SAMD7: variants seen among roughly 807,000 people sequenced by gnomAD.
SAMD7 encodes the protein sterile alpha motif domain-containing protein 7.
SAMD7 carries 34 observed loss-of-function variants against 36.7 expected under a neutral mutation model. The ratio of observed to expected loss-of-function variants is 0.93; its 90% confidence interval spans 0.71 to 1.23. The LOEUF (loss-of-function observed/expected upper bound fraction) is 1.23. Among genes scored for constraint, SAMD7 ranks in the 50% most tolerant of loss-of-function variants. SAMD7 has a pLI of 0.00. For synonymous variants in SAMD7, 188 were observed against 189.7 expected (o/e 0.99, Z 0.07); for missense variants, 570 against 546.6 (o/e 1.04, Z -0.43).
At chr3:169,919,913 G>A (rs919791505) in intron 3 of SAMD7, among the ~76,000 whole-genome samples, 9 of 152,170 alleles carry the variant, frequency 5.9e-5, no homozygotes, top group Non-Finnish European at 7.4e-5. Flanking sequence ...AGTGGCTCAC[G>A]CCTGTAATCC....
rs1713011071 is a variant in SAMD7, at chr3:169,920,811, T to TGA, written c.87-402_87-401insAG. Among the ~76,000 whole-genome samples, 9 of 152,314 alleles carry TGA rather than the reference T, an allele frequency of 5.9e-5. 1 individual carries two copies. The South Asian group carries it at 1.9e-3, about 32-fold the overall frequency. Reference sequence around the variant, plus strand: ...ACCACTAAAGTTTAGAAAAATAAGTTGTCCACCCAGGTACTCAAACATTGA... The same window carrying TGA: ...ACCACTAAAGTTTAGAAAAATAAGTTGAGTCCACCCAGGTACTCAAACATTGA... On this transcript the variant is annotated intron_variant, in intron 3 of 8. Transcript: ENST00000335556.
chr3:169,935,416 C>T (rs1156358358), intron 7 of SAMD7, among the ~76,000 whole-genome samples: 2 of 152,104 alleles, frequency 1.3e-5, no homozygotes, highest in African/African-American at 4.8e-5. Flanking sequence ...TCCATTGTAT[C>T]GTGACAGTGG....
chr3:169,934,790 A>C (rs1713662471), intron 7 of SAMD7, among the ~76,000 whole-genome samples: 1 of 152,240 alleles, frequency 6.6e-6, no homozygotes, highest in African/African-American at 2.4e-5. Flanking sequence ...AGCTGAAATG[A>C]ATCAGGAAGA....
At chr3:169,924,987 T>G in intron 4 of SAMD7, 71 bp from the exon 5 acceptor site, 1 of 973,228 alleles carries the variant, frequency 1.0e-6, no homozygotes, top group Non-Finnish European at 1.6e-6. Context: ...ATTGTTATAG[T>G]TTATTTTATT....
intron 7 of SAMD7, among the ~76,000 whole-genome samples, chr3:169,934,383 G>A (rs1269354450): frequency 2.0e-5 from 3 of 152,112 alleles, no homozygotes; most frequent in Admixed American, 6.5e-5. Flanking sequence ...AGCCTCCACC[G>A]ATGGTCCTCC....
chr3:169,932,811 G>C, intron 7 of SAMD7: 1 of 563,426 alleles, frequency 1.8e-6, no homozygotes, highest in Middle Eastern at 3.1e-4. Context: ...TATGACTCTG[G>C]CCTGTGCCGC....
chr3:169,938,491 T>TA lies in SAMD7; in HGVS notation c.1327dup (p.Ser443LysfsTer13), dbSNP rs1559956006. The TA allele has an allele frequency of 6.2e-7, 1 of 1,609,048 alleles. No individual in the cohort carries two copies. The highest frequency in any genetic ancestry group is 2.2e-5 in the East Asian group (1 of 44,854). ...TAATTCCTAAAGGAATTGAGCGAGG[T>TA]AGTATGAGAAACTAAAAGCCCTCAA... is the stretch of plus-strand genomic sequence containing the variant. On this transcript the variant is annotated frameshift_variant, in exon 9 of 9. Coordinates refer to ENST00000335556, the MANE Select transcript of SAMD7 (RefSeq NM_001304366.2). LOFTEE classifies it high-confidence loss of function.
rs1395055362 is a variant in SAMD7 at position 169,922,848 on chromosome 3, A to G, written c.211+1510A>G. 5.3e-5 allele frequency among the ~76,000 whole-genome samples: 8 copies of G among 152,304 alleles called. 1 individual carries two copies. In the South Asian group the frequency reaches 1.5e-3, roughly 28 times the overall value. On this transcript the variant is annotated intron_variant, in intron 4 of 8. Coordinates refer to ENST00000335556, the MANE Select transcript of SAMD7 (RefSeq NM_001304366.2). ...ATTTACGATCATTTTACATTGGACT[A>G]TTTTAAGGAGAGAGTGAGCAACTGT...
At chr3:169,930,568 CCTTT>C (rs63222564) in intron 7 of SAMD7, among the ~76,000 whole-genome samples, 33,897 of 143,432 alleles carry the variant, frequency 0.24, 4,269 homozygotes, top group African/African-American at 0.3. Context: ...ACTCATAGCC[CCTTT>C]CTTTTCTTTT....
intron 4 of SAMD7, among the ~76,000 whole-genome samples, chr3:169,924,636 T>C (rs1409391281): frequency 1.3e-5 from 2 of 152,090 alleles, no homozygotes; most frequent in Non-Finnish European, 2.9e-5. Flanking sequence ...GTGATAAATA[T>C]GTGAGGTGAG....
chr3:169,937,350 A>G (rs1386846589), intron 8 of SAMD7, among the ~76,000 whole-genome samples: 1 of 151,970 alleles, frequency 6.6e-6, no homozygotes, highest in Non-Finnish European at 1.5e-5. Context: ...CTATCAACCC[A>G]TCACCTAGGT....
chr3:169,934,609 T>C lies in SAMD7; in HGVS notation c.1042-1730T>C, dbSNP rs186293732. Among the ~76,000 whole-genome samples, 83 of 152,294 alleles carry C rather than the reference T, an allele frequency of 5.4e-4. 2 individuals carry two copies. The highest frequency in any genetic ancestry group is 1.9e-3 in the African/African-American group (81 of 41,566). Reference sequence around the variant, plus strand: ...GGTATGGGGACAGAATCTGTGCTTTTGTGGGTGGGGGACACGGTAATTGTG... The same window carrying C: ...GGTATGGGGACAGAATCTGTGCTTTCGTGGGTGGGGGACACGGTAATTGTG... On this transcript the variant is annotated intron_variant, in intron 7 of 8. Transcript: ENST00000335556.
rs749020125 is a variant in SAMD7, at chr3:169,938,345, T to A, written c.1180T>A (p.Tyr394Asn). ...ATCTCAGCATGTGGGAAGTATGTTC[T>A]ACAAGAAAACTCTTTCATTTCCTAT... ...QVSQHVGSMF[Y>N]KKTLSFPIRQ... Residue 394 changes from tyrosine (Y) to asparagine (N), a missense_variant, in exon 9 of 9, where the codon TAC becomes AAC. Tyr to Asn is a moderately radical substitution (Grantham distance 143). Transcript: ENST00000335556. 3.1e-6 allele frequency: 5 copies of A among 1,610,788 alleles called. No individual in the cohort carries two copies. The South Asian group carries it at 4.4e-5, about 14-fold the overall frequency.
At chr3:169,914,416 A>T (rs1712718433) in intron 1 of SAMD7, among the ~76,000 whole-genome samples, 2 of 152,202 alleles carry the variant, frequency 1.3e-5, no homozygotes, top group South Asian at 4.1e-4. Context: ...AAGTGCAAGG[A>T]TTAAAACAAA....
intron 1 of SAMD7, among the ~76,000 whole-genome samples, chr3:169,913,179 C>G (rs1712671829): frequency 6.6e-6 from 1 of 152,118 alleles, no homozygotes; most frequent in African/African-American, 2.4e-5. Context: ...AAAAACTTAC[C>G]AGATACAGCA....
intron 4 of SAMD7, 98 bp from the exon 5 acceptor site, chr3:169,924,960 T>C: frequency 1.3e-6 from 1 of 786,688 alleles, no homozygotes. Flanking sequence ...TTTTTTTTTT[T>C]TCAGATACTG....
intron 7 of SAMD7, 70 bp downstream of exon 7, chr3:169,928,648 G>A: frequency 6.8e-7 from 1 of 1,481,308 alleles, no homozygotes; most frequent in South Asian, 1.2e-5. Context: ...TAATGAATTA[G>A]GTCAAACTTG....
chr3:169,927,082 G>T lies in SAMD7; in HGVS notation c.820G>T (p.Ala274Ser), dbSNP rs751229826. The T allele has an allele frequency of 9.4e-6, 15 of 1,602,402 alleles. No individual in the cohort carries two copies. The highest frequency in any genetic ancestry group is 1.3e-5 in the Non-Finnish European group (15 of 1,176,960). The change falls in exon 6 of 9, where the codon GCC (alanine) becomes TCC (serine). Residue 274 changes from alanine (A) to serine (S), a missense_variant. By Grantham distance (99) the Ala-to-Ser change is moderately conservative (BLOSUM62 1). Coordinates refer to ENST00000335556, the MANE Select transcript of SAMD7 (RefSeq NM_001304366.2). ...GSHTTTLKAK[A>S]WDDGKEEASE... ...TCACACCACTACCCTGAAAGCAAAGGCCTGGGACGATGGGAAAGAGGAGGC... is the reference window on the plus strand; with the variant it reads ...TCACACCACTACCCTGAAAGCAAAGTCCTGGGACGATGGGAAAGAGGAGGC...
chr3:169,921,060 TA>T (rs1713021327), intron 3 of SAMD7, among the ~76,000 whole-genome samples, 153 bp from the exon 4 acceptor site: 1 of 152,246 alleles, frequency 6.6e-6, no homozygotes, highest in Non-Finnish European at 1.5e-5. Context: ...TATTTCTCCA[TA>T]AATTCATAAA....
Sources: allele counts gnomAD v4.1 joint callset (sites outside exome capture counted in the v4.1 genomes callset), GRCh38; gene constraint gnomAD v4.1.1; transcripts MANE v1.5; gene names NCBI Gene and HGNC (gene_info 2026-07-23, HGNC 2026-07-21).